PRKAA1: variants seen among roughly 807,000 people sequenced by gnomAD.
The protein encoded by PRKAA1 is 5'-AMP-activated protein kinase catalytic subunit alpha-1.
PRKAA1 carries 23 observed loss-of-function variants against 56.9 expected under a neutral mutation model. That is an observed-to-expected ratio of 0.40 (90% CI 0.29 to 0.57). The LOEUF is 0.57. PRKAA1 is among the 20% of genes least tolerant of loss of function. The pLI is 0.39. For missense variants in PRKAA1, 413 were observed against 679.7 expected, an observed-to-expected ratio of 0.61 and a Z score of 4.36; for synonymous variants, 226 against 227.0, an observed-to-expected ratio of 1.00 and a Z score of 0.04.
In PRKAA1 at chr5:40,777,591, A is replaced by G. The variant is rs1470416138; in HGVS notation, c.128-5T>C. 2 of 1,596,894 alleles carry G rather than the reference A, an allele frequency of 1.3e-6. No individual in the cohort carries two copies. The highest frequency in any genetic ancestry group is 1.7e-6 in the Non-Finnish European group (2 of 1,168,550). On this transcript the variant is annotated splice_polypyrimidine_tract_variant and splice_region_variant and intron_variant, in intron 1 of 8. Transcript: ENST00000397128. The stretch of plus-strand genomic sequence containing the variant: ...CAGTCAATTCATGTTTGCCAACTGT[A>G]AAAGAAGTAATTTAATAAATTAGTA...
chr5:40,766,512 T>C (rs1743442128), intron 6 of PRKAA1, among the ~76,000 whole-genome samples: 1 of 152,192 alleles, frequency 6.6e-6, no homozygotes, highest in Admixed American at 6.5e-5. Flanking sequence ...TTTAAACTAT[T>C]AGGTTGAACC....
chr5:40,770,273 G>A (rs1743671287), intron 4 of PRKAA1, among the ~76,000 whole-genome samples: 1 of 152,040 alleles, frequency 6.6e-6, no homozygotes, highest in Non-Finnish European at 1.5e-5. Flanking sequence ...GTCCGGCCTG[G>A]CCAACATAGT....
At chr5:40,792,612 G>A (rs907916216) in intron 1 of PRKAA1, among the ~76,000 whole-genome samples, 1 of 152,072 alleles carries the variant, frequency 6.6e-6, no homozygotes, top group Non-Finnish European at 1.5e-5. Flanking sequence ...ACTTGCTTTC[G>A]AGGTCTAACC....
At position 40,761,659 on chromosome 5, in the gene PRKAA1, A is replaced by G. The variant is rs1018167842; in HGVS notation, c.*1119T>C. 6.6e-5 allele frequency: 10 copies of G among 152,410 alleles called. No homozygotes were observed. The East Asian group carries it at 1.5e-3, about 23-fold the overall frequency. 9.4% of individuals were successfully genotyped at this position (152,410 alleles called of 1,614,324 possible). A position where few individuals can be genotyped will look rare whatever the true frequency, so the allele number is the denominator to read the frequency against. On this transcript the variant is annotated 3_prime_UTR_variant, in exon 9 of 9. Transcript: ENST00000397128. ...TAAAGTTTGTAAGAGATAGTTTTCT[A>G]TGCACTGAATCAATTTAAAAGATAC...
intron 1 of PRKAA1, among the ~76,000 whole-genome samples, chr5:40,783,657 G>A (rs1027203567): frequency 6.6e-6 from 1 of 152,146 alleles, no homozygotes; most frequent in African/African-American, 2.4e-5. Context: ...TACTTAGGAG[G>A]CTGAGGCAGG....
At chr5:40,771,572 T>C (rs1014588524) in intron 4 of PRKAA1, 147 bp downstream of exon 4, 27 of 722,144 alleles carry the variant, frequency 3.7e-5, no homozygotes, top group Non-Finnish European at 5.7e-5. Flanking sequence ...TCTTTTTGTA[T>C]CTTCATAGAC....
rs139176273 is a variant in PRKAA1, at chr5:40,795,775, A to ATTT, written c.127+2285_127+2287dup. 6.2e-3 allele frequency among the ~76,000 whole-genome samples: 941 copies of ATTT among 152,360 alleles called. 8 individuals are homozygous for ATTT. The highest frequency in any genetic ancestry group is 0.021 in the African/African-American group (888 of 41,590). On this transcript the variant is annotated intron_variant, in intron 1 of 8. Transcript: ENST00000397128. ...CATCAACAAATGTGATCATGAACAAATTTAACCATATCTATGAAACCTATG... is the reference window on the plus strand; with the variant it reads ...CATCAACAAATGTGATCATGAACAAATTTTTTAACCATATCTATGAAACCTATG...
intron 8 of PRKAA1, among the ~76,000 whole-genome samples, chr5:40,763,802 TATC>T (rs1368010026): frequency 2.0e-5 from 3 of 152,254 alleles, no homozygotes; most frequent in Admixed American, 6.5e-5. Flanking sequence ...TTGGCCAACA[TATC>T]ATGGCTCAAA....
intron 1 of PRKAA1, among the ~76,000 whole-genome samples, chr5:40,786,786 CAAAAAA>C (rs34749478): frequency 0.01 from 450 of 43,520 alleles, 4 homozygotes; most frequent in African/African-American, 0.039. Flanking sequence ...ACTAAAAATA[CAAAAAA>C]AAAAAAAAAA....
intron 3 of PRKAA1, among the ~76,000 whole-genome samples, chr5:40,774,440 TG>T (rs1394650019): frequency 6.6e-6 from 1 of 151,894 alleles, no homozygotes. Flanking sequence ...AATATTCAAC[TG>T]GTAAAACTGA....
chr5:40,766,582 T>C (rs906667585), intron 6 of PRKAA1, among the ~76,000 whole-genome samples: 3 of 152,136 alleles, frequency 2.0e-5, no homozygotes, highest in African/African-American at 7.2e-5. Context: ...TGTAATTCAA[T>C]GTATACTACC....
At chr5:40,795,214 A>T (rs1308395143) in intron 1 of PRKAA1, among the ~76,000 whole-genome samples, 1 of 152,106 alleles carries the variant, frequency 6.6e-6, no homozygotes, top group Non-Finnish European at 1.5e-5. Context: ...TAAGAATGAT[A>T]CAGTGGACTA....
intron 1 of PRKAA1, among the ~76,000 whole-genome samples, chr5:40,783,789 C>A (rs1336577708): frequency 6.6e-6 from 1 of 151,944 alleles, no homozygotes; most frequent in Non-Finnish European, 1.5e-5. Context: ...GGGAAAAAAA[C>A]AATTGGAAGT....
intron 1 of PRKAA1, among the ~76,000 whole-genome samples, chr5:40,793,754 T>G (rs1212097910): frequency 6.6e-6 from 1 of 152,110 alleles, no homozygotes; most frequent in Non-Finnish European, 1.5e-5. Context: ...CCTAACAACA[T>G]CCATTTATGT....
At position 40,760,891 on chromosome 5, in the gene PRKAA1, C is replaced by T. The variant is rs2111963285; in HGVS notation, c.*1887G>A. The T allele has an allele frequency of 6.6e-6, 1 of 151,930 alleles. No homozygotes were observed. The highest frequency in any genetic ancestry group is 2.1e-4 in the South Asian group (1 of 4,818). The allele number at this position is 151,930 out of a possible 1,614,324, so 9.4% of individuals were successfully genotyped here. A position where few individuals can be genotyped will look rare whatever the true frequency, so the allele number is the denominator to read the frequency against. On this transcript the variant is annotated 3_prime_UTR_variant, in exon 9 of 9. Transcript: ENST00000397128. ...TGTTGCAATGGGAAAATGATTAATA[C>T]AAAAAAATCAATTTCTTAAAGTTAA... is the stretch of plus-strand genomic sequence containing the variant.
At position 40,764,993 on chromosome 5, in the gene PRKAA1, C is replaced by T. The variant is rs371800275; in HGVS notation, c.1067G>A (p.Ser356Asn). ...NEAKDFYLAT[S>N]PPDSFLDDHH... Reference sequence around the variant, plus strand: ...ATCATCAAGAAAAGAATCAGGTGGGCTTGTCGCCAAATAGAAATCTTTGGC... The same window carrying T: ...ATCATCAAGAAAAGAATCAGGTGGGTTTGTCGCCAAATAGAAATCTTTGGC... Residue 356 changes from serine to asparagine, a missense_variant, in exon 7 of 9, where the codon AGC becomes AAC. Ser to Asn is a conservative substitution (Grantham distance 46). Around this residue, in one of 9 missense-constraint regions of PRKAA1, gnomAD observed 50 missense variants for 87.7 expected, o/e 0.57. Coordinates refer to ENST00000397128, the MANE Select transcript of PRKAA1 (RefSeq NM_006251.6). The T allele has an allele frequency of 1.5e-5, 24 of 1,614,018 alleles. No individual in the cohort carries two copies. Among genetic ancestry groups the T allele is most frequent in the Non-Finnish European group, 2.5e-6 (3 of 1,180,026 alleles).
At chr5:40,774,509 T>C (rs577336109) in intron 3 of PRKAA1, among the ~76,000 whole-genome samples, 148 of 147,280 alleles carry the variant, frequency 1.0e-3, no homozygotes, top group Admixed American at 3.5e-3. Flanking sequence ...ATAAGAAAAA[T>C]ATATATCAAT....
intron 3 of PRKAA1, chr5:40,774,832 G>T: frequency 1.0e-6 from 1 of 976,430 alleles, no homozygotes; most frequent in Non-Finnish European, 1.6e-6. Flanking sequence ...ATGGGCAGAG[G>T]GCAGTGTTGA....
chr5:40,776,491 G>T (rs921328143), intron 2 of PRKAA1, among the ~76,000 whole-genome samples: 3 of 152,186 alleles, frequency 2.0e-5, no homozygotes, highest in Admixed American at 1.3e-4. Flanking sequence ...TACATTTAGG[G>T]GTGGTCAGCA....
Sources: allele counts gnomAD v4.1 joint callset (sites outside exome capture counted in the v4.1 genomes callset), GRCh38; gene constraint gnomAD v4.1.1; regional missense constraint gnomAD v4.1.1; transcripts MANE v1.5; gene names NCBI Gene and HGNC (gene_info 2026-07-23, HGNC 2026-07-21).